SLC12A6: variants seen among roughly 807,000 people sequenced by gnomAD.
SLC12A6 encodes the protein K-Cl cotransporter 3.
In SLC12A6, 66 loss-of-function variants were observed where a neutral mutation model predicts 135.3. The ratio of observed to expected loss-of-function variants is 0.49; its 90% confidence interval spans 0.40 to 0.60. The LOEUF (loss-of-function observed/expected upper bound fraction) is 0.60, where lower values mean the gene tolerates loss of function less well. SLC12A6 is among the 20% of genes least tolerant of loss of function. The pLI is 0.00. For synonymous variants in SLC12A6, 513 were observed against 508.8 expected (o/e 1.01, Z -0.11); for missense variants, 1,058 against 1,452.3 (o/e 0.73, Z 4.41).
Position 34,252,358 on chromosome 15 carries a change from A to G in SLC12A6, c.1145T>C (p.Leu382Pro). 6.2e-7 allele frequency: 1 copy of G among 1,612,056 alleles called. No homozygotes were observed. The highest frequency in any genetic ancestry group is 8.5e-7 in the Non-Finnish European group (1 of 1,178,186). ...GCAAACGTCAATGTGTCTTGATGAA[A>G]GGGTGCGGTTACCCAGCATGCAGAC... ...FPVCMLGNRTLSSRHIDVCSK... is the reference protein window; with the variant it reads ...FPVCMLGNRTPSSRHIDVCSK... Residue 382 changes from leucine (L) to proline (P), a missense_variant, in exon 10 of 26, where the codon CTT becomes CCT. Physicochemically the swap from Leu to Pro is moderately conservative, Grantham distance 98. Transcript: ENST00000354181.
At chr15:34,260,213 C>G (rs1424976960) in intron 4 of SLC12A6, among the ~76,000 whole-genome samples, 2 of 151,924 alleles carry the variant, frequency 1.3e-5, no homozygotes, top group Non-Finnish European at 2.9e-5. Context: ...TATTATTTGA[C>G]AATTAAAAAA....
At chr15:34,309,371 A>G (rs1887987622) in intron 2 of SLC12A6, among the ~76,000 whole-genome samples, 1 of 152,226 alleles carries the variant, frequency 6.6e-6, no homozygotes. Flanking sequence ...TGCTTTGACT[A>G]TAGAATTTAA....
chr15:34,255,833 G>A (rs56207527), intron 7 of SLC12A6, among the ~76,000 whole-genome samples: 9 of 151,522 alleles, frequency 5.9e-5, no homozygotes, highest in Admixed American at 3.9e-4. Flanking sequence ...GCCAGGCATA[G>A]TGGTGTACAC....
chr15:34,315,303 C>G (rs1485111321), intron 2 of SLC12A6, among the ~76,000 whole-genome samples: 1 of 152,178 alleles, frequency 6.6e-6, no homozygotes, highest in Non-Finnish European at 1.5e-5. Flanking sequence ...GCCACAGTTA[C>G]CACAACCTTC....
rs775446736 is a variant in SLC12A6 at position 34,235,194 on chromosome 15, C to A, written c.3348G>T (p.Glu1116Asp). The change falls in exon 25 of 26, where the codon GAG becomes GAT. Residue 1116 changes from glutamate (E) to aspartate (D), a missense_variant. Glu to Asp is a conservative substitution (Grantham distance 45). Transcript: ENST00000354181. ...LNMPGPPRNPEGDENYMEFLE... is the reference protein window; with the variant it reads ...LNMPGPPRNPDGDENYMEFLE... ...TGGAAAGGATACAGTTTTCATCACC[C>A]TCAGGGTTTCGGGGTGGCCCTGGCA... is the stretch of plus-strand genomic sequence containing the variant. 1 of 1,614,058 alleles carries A rather than the reference C, an allele frequency of 6.2e-7. No individual in the cohort carries two copies.
chr15:34,234,511 A>G (rs999489067), intron 25 of SLC12A6, among the ~76,000 whole-genome samples: 2 of 152,046 alleles, frequency 1.3e-5, no homozygotes, highest in African/African-American at 4.8e-5. Context: ...AGCTGGGATT[A>G]CAGGCACCTG....
rs531837972 is a variant in SLC12A6 at position 34,256,437 on chromosome 15, G to C, written c.691-154C>G. 4.9e-4 allele frequency among the ~76,000 whole-genome samples: 75 copies of C among 152,250 alleles called. 1 individual carries two copies. Among genetic ancestry groups the C allele is most frequent in the Non-Finnish European group, 9.3e-4 (63 of 68,020 alleles). The stretch of plus-strand genomic sequence containing the variant: ...TAATGGTATGGAAATAAGATGATAT[G>C]GTCCAATTCATTGCGCTAGTCATAC... On this transcript the variant is annotated intron_variant, in intron 6 of 25. Coordinates refer to ENST00000354181, the MANE Select transcript of SLC12A6 (RefSeq NM_001365088.1).
At chr15:34,245,950 T>C in intron 13 of SLC12A6, 83 bp from the exon 14 acceptor site, 8 of 1,062,150 alleles carry the variant, frequency 7.5e-6, no homozygotes, top group Non-Finnish European at 1.0e-5. Flanking sequence ...AATTTTTTTT[T>C]GAGACAGAAT....
At chr15:34,318,200 G>C (rs1387144555) in intron 2 of SLC12A6, among the ~76,000 whole-genome samples, 1 of 152,100 alleles carries the variant, frequency 6.6e-6, no homozygotes, top group Non-Finnish European at 1.5e-5. Flanking sequence ...TCATCCACTC[G>C]GTGGGTTTAA....
intron 2 of SLC12A6, among the ~76,000 whole-genome samples, chr15:34,304,155 G>T (rs970808306): frequency 6.6e-6 from 1 of 151,964 alleles, no homozygotes; most frequent in Non-Finnish European, 1.5e-5. Flanking sequence ...CATTTCCTAC[G>T]AATGGAATCA....
rs1016480279 is a variant in SLC12A6, at chr15:34,230,643, T to C, written c.*3238A>G. 3 of 152,696 alleles carry C rather than the reference T, an allele frequency of 2.0e-5. No individual in the cohort carries two copies. Among genetic ancestry groups the C allele is most frequent in the African/African-American group, 4.8e-5 (2 of 41,474 alleles). The allele number at this position is 152,696 out of a possible 1,614,324, so 9.5% of individuals were successfully genotyped here. On this transcript the variant is annotated 3_prime_UTR_variant, in exon 26 of 26. Transcript: ENST00000354181. ...AAAGGCAGGTATTTCCTTTGTTTTC[T>C]GTCTTGAAATAGCCCCTTCCCCTAA... is the stretch of plus-strand genomic sequence containing the variant.
chr15:34,336,413 C>T lies in SLC12A6; in HGVS notation c.268G>A (p.Glu90Lys). 2 of 1,613,164 alleles carry T rather than the reference C, an allele frequency of 1.2e-6. No individual in the cohort carries two copies. Among genetic ancestry groups the T allele is most frequent in the African/African-American group, 1.3e-5 (1 of 75,024 alleles). The change falls in exon 2 of 26, where the codon GAG (glutamate) becomes AAG (lysine). Residue 90 changes from glutamate (E) to lysine (K), a missense_variant. Glu to Lys is a moderately conservative substitution (Grantham distance 56). Around this residue, in one of 6 missense-constraint regions of SLC12A6, gnomAD observed 176 missense variants for 168.9 expected, o/e 1.04. Coordinates refer to ENST00000354181, the MANE Select transcript of SLC12A6 (RefSeq NM_001365088.1). The part of the protein sequence containing the change: ...DRTSHPQDVI[E>K]DLSQNSITGE... ...TGCGGTCTGTGTTTCTACTTACCCT[C>T]GATGACATCCTGGGGGTGAGAAGTC...
chr15:34,282,360 G>A (rs1894747091), intron 2 of SLC12A6, among the ~76,000 whole-genome samples: 1 of 152,166 alleles, frequency 6.6e-6, no homozygotes, highest in South Asian at 2.1e-4. Flanking sequence ...CATAGGAAAA[G>A]ATCATTCATT....
chr15:34,245,626 T>G (rs375038159), intron 14 of SLC12A6, 67 bp downstream of exon 14: 47 of 1,364,910 alleles, frequency 3.4e-5, no homozygotes, highest in East Asian at 3.4e-4. Flanking sequence ...TCTAAGCCCA[T>G]GAAGACCACA....
chr15:34,268,943 G>A (rs984876627), intron 3 of SLC12A6, among the ~76,000 whole-genome samples: 4 of 151,118 alleles, frequency 2.6e-5, no homozygotes, highest in Non-Finnish European at 4.4e-5. Context: ...TGCGACCTCC[G>A]CCTCCAGGGT....
At chr15:34,271,340 T>C (rs1181089467) in intron 3 of SLC12A6, among the ~76,000 whole-genome samples, 2 of 151,806 alleles carry the variant, frequency 1.3e-5, no homozygotes, top group African/African-American at 4.9e-5. Flanking sequence ...TCGTTCAGGA[T>C]TGTAGATATG....
Position 34,260,907 on chromosome 15 carries a change from G to A in SLC12A6, c.411+19C>T. The A allele has an allele frequency of 9.5e-7, 1 of 1,047,472 alleles. No individual in the cohort carries two copies. Among genetic ancestry groups the A allele is most frequent in the Non-Finnish European group, 1.5e-6 (1 of 662,712 alleles). 64.9% of individuals were successfully genotyped at this position (1,047,472 alleles called of 1,614,324 possible). A position where few individuals can be genotyped will look rare whatever the true frequency, so the allele number is the denominator to read the frequency against. ...TCTGTTCCTAAAGTCTCAGTCCATA[G>A]TTTTCTCCAAAATATTACCTCAAAG... On this transcript the variant is annotated intron_variant, in intron 4 of 25. Transcript: ENST00000354181.
At chr15:34,289,060 C>T (rs1057502971) in intron 2 of SLC12A6, among the ~76,000 whole-genome samples, 3 of 152,076 alleles carry the variant, frequency 2.0e-5, no homozygotes, top group African/African-American at 7.2e-5. Context: ...CTTGTCTTGT[C>T]CCGGTTTTCA....
chr15:34,288,173 A>G (rs1234466958), intron 2 of SLC12A6, among the ~76,000 whole-genome samples: 1 of 152,194 alleles, frequency 6.6e-6, no homozygotes, highest in Non-Finnish European at 1.5e-5. Context: ...AAGGGGGTCC[A>G]GTGTCAGTTT....
Sources: gnomAD v4.1 joint callset for allele counts (sites outside exome capture counted in the v4.1 genomes callset) on GRCh38, gnomAD v4.1.1 for gene constraint, gnomAD v4.1.1 regional missense constraint, MANE v1.5 for transcripts, NCBI Gene and HGNC (gene_info 2026-07-23, HGNC 2026-07-21) for gene names.